HTR4: variants seen among roughly 807,000 people sequenced by gnomAD.
HTR4 encodes the protein 5-hydroxytryptamine receptor 4.
HTR4 carries 16 observed loss-of-function variants against 36.8 expected under a neutral mutation model. That is an observed-to-expected ratio of 0.43 (90% CI 0.29 to 0.66). HTR4 has a LOEUF of 0.66. Among genes scored for constraint, HTR4 ranks in the 30% least tolerant of loss-of-function variants. HTR4 has a pLI of 0.13. For missense variants in HTR4, 438 were observed against 490.9 expected (o/e 0.89, Z 1.02); for synonymous variants, 189 against 185.1 (o/e 1.02, Z -0.17).
chr5:148,457,199 T>G (rs1373216926), intron 5 of HTR4, among the ~76,000 whole-genome samples: 2 of 152,164 alleles, frequency 1.3e-5, no homozygotes, highest in Admixed American at 1.3e-4. Flanking sequence ...GTGCGAGATC[T>G]TACTTGCCTT....
rs779842145 is a variant in HTR4, at chr5:148,451,249, T to C, written c.1100A>G (p.His367Arg). ...GGGCAGTTTCTCGAGTTCCTGATGA[T>C]GTCCCCTGTGCAGAACGGTGTACCT... The change falls in exon 6 of 6, where the codon CAT (histidine) becomes CGT (arginine). Residue 367 changes from histidine to arginine, a missense_variant. Transcript: ENST00000521530. The C allele has an allele frequency of 3.7e-6, 6 of 1,613,786 alleles. No homozygotes were observed. In the African/African-American group the frequency reaches 8.0e-5, roughly 22 times the overall value.
At chr5:148,567,663 C>T (rs185452244) in intron 2 of HTR4, among the ~76,000 whole-genome samples, 20 of 152,184 alleles carry the variant, frequency 1.3e-4, no homozygotes, top group East Asian at 5.8e-4. Context: ...CTGACCTGTG[C>T]GCCTGTTGTG....
chr5:148,467,850 T>C (rs1452837549), intron 5 of HTR4, among the ~76,000 whole-genome samples: 1 of 152,218 alleles, frequency 6.6e-6, no homozygotes, highest in African/African-American at 2.4e-5. Context: ...AAACCATAAT[T>C]GTACAAAGCC....
chr5:148,535,768 TC>T (rs1171652327), intron 4 of HTR4, among the ~76,000 whole-genome samples: 1 of 152,134 alleles, frequency 6.6e-6, no homozygotes, highest in Non-Finnish European at 1.5e-5. Context: ...ATCACTGGCA[TC>T]CCTGAAAGGG....
rs1366293427 is a variant in HTR4, at chr5:148,481,677, A to C, written c.*1526T>G. On this transcript the variant is annotated 3_prime_UTR_variant, in exon 7 of 7. Coordinates refer to ENST00000377888, the MANE Select transcript of HTR4 (RefSeq NM_000870.7). ...CAATAACTGACACCTTATAAGCAAT[A>C]AGAAAAAAAGAGAATATGATAAATA... The C allele has an allele frequency of 6.7e-7, 1 of 1,482,734 alleles. No homozygotes were observed. Among genetic ancestry groups the C allele is most frequent in the Non-Finnish European group, 8.8e-7 (1 of 1,130,092 alleles). 91.8% of individuals were successfully genotyped at this position (1,482,734 alleles called of 1,614,324 possible).
At chr5:148,591,474 T>C (rs1761569292) in intron 2 of HTR4, among the ~76,000 whole-genome samples, 1 of 152,186 alleles carries the variant, frequency 6.6e-6, no homozygotes, top group Admixed American at 6.6e-5. Context: ...GCATGAGATG[T>C]TTTTCCATTT....
intron 2 of HTR4, among the ~76,000 whole-genome samples, chr5:148,596,137 T>A (rs1761762261): frequency 6.6e-6 from 1 of 152,244 alleles, no homozygotes; most frequent in African/African-American, 2.4e-5. Context: ...TATGAATGTA[T>A]GGATTATAGT....
intron 6 of HTR4, among the ~76,000 whole-genome samples, chr5:148,489,646 T>G (rs1336479528): frequency 1.3e-5 from 2 of 152,178 alleles, no homozygotes; most frequent in African/African-American, 2.4e-5. Context: ...GCAGCAGAGA[T>G]GATCCAGAGA....
intron 6 of HTR4, among the ~76,000 whole-genome samples, chr5:148,503,531 C>T (rs910668890): frequency 3.9e-5 from 6 of 152,178 alleles, no homozygotes; most frequent in African/African-American, 1.2e-4. Context: ...CCAGCCACTG[C>T]AAAAACATGC....
At chr5:148,638,698 C>CCAGAAAAACTTCTTCT (rs1182363055) in intron 1 of HTR4, among the ~76,000 whole-genome samples, 4 of 152,144 alleles carry the variant, frequency 2.6e-5, no homozygotes, top group Non-Finnish European at 5.9e-5. Context: ...GTGGTTCAGA[C>CCAGAAAAACTTCTTCT]CAGAAAAACT....
chr5:148,570,232 A>G (rs1388117996), intron 2 of HTR4, among the ~76,000 whole-genome samples: 1 of 152,108 alleles, frequency 6.6e-6, no homozygotes, highest in Non-Finnish European at 1.5e-5. Context: ...TCCTTCACCA[A>G]CTTAATCATA....
intron 2 of HTR4, among the ~76,000 whole-genome samples, chr5:148,631,438 A>T (rs1032835555): frequency 6.6e-6 from 1 of 152,198 alleles, no homozygotes; most frequent in African/African-American, 2.4e-5. Context: ...TCTGACTGCC[A>T]GGTTACAAAC....
At chr5:148,613,980 T>G (rs914583423) in intron 2 of HTR4, among the ~76,000 whole-genome samples, 3 of 151,126 alleles carry the variant, frequency 2.0e-5, no homozygotes, top group African/African-American at 7.3e-5. Context: ...ACAAGGGATG[T>G]GAAGGACCTC....
intron 6 of HTR4, among the ~76,000 whole-genome samples, chr5:148,489,018 A>G (rs1300311793): frequency 6.6e-6 from 1 of 152,204 alleles, no homozygotes; most frequent in East Asian, 1.9e-4. Context: ...CAGTTCCTAA[A>G]TGGCAAATAA....
At chr5:148,485,536 G>T (rs1008047398) in intron 6 of HTR4, among the ~76,000 whole-genome samples, 2 of 152,184 alleles carry the variant, frequency 1.3e-5, no homozygotes, top group African/African-American at 2.4e-5. Flanking sequence ...TGAGAAACCT[G>T]CAGTGTGATG....
chr5:148,639,687 A>G (rs1309689254), intron 1 of HTR4, among the ~76,000 whole-genome samples: 1 of 145,764 alleles, frequency 6.9e-6, no homozygotes, highest in African/African-American at 2.6e-5. Flanking sequence ...GCTCACTAGA[A>G]TATAAATTTC....
At chr5:148,569,444 C>A (rs1305832567) in intron 2 of HTR4, among the ~76,000 whole-genome samples, 1 of 151,990 alleles carries the variant, frequency 6.6e-6, no homozygotes, top group Admixed American at 6.6e-5. Context: ...GTGCAGCAAA[C>A]CACCATGGCA....
At chr5:148,527,777 C>G (rs1414496433) in intron 4 of HTR4, among the ~76,000 whole-genome samples, 1 of 152,122 alleles carries the variant, frequency 6.6e-6, no homozygotes, top group Non-Finnish European at 1.5e-5. Flanking sequence ...CCACACCCAG[C>G]TAATTTTTAT....
chr5:148,570,611 T>A (rs10037376), intron 2 of HTR4, among the ~76,000 whole-genome samples: 1 of 151,746 alleles, frequency 6.6e-6, no homozygotes, highest in Non-Finnish European at 1.5e-5. Flanking sequence ...ATCACTGGAG[T>A]GCAGAGAATG....
Sources: allele counts gnomAD v4.1 joint callset (sites outside exome capture counted in the v4.1 genomes callset), GRCh38; gene constraint gnomAD v4.1.1; transcripts MANE v1.5; gene names NCBI Gene and HGNC (gene_info 2026-07-23, HGNC 2026-07-21).